PACRG: variants seen among roughly 807,000 people sequenced by gnomAD.
PACRG encodes parkin coregulated gene protein.
Under a neutral mutation model 29.7 loss-of-function variants are expected in PACRG, and 29 were observed. The observed-to-expected ratio is 0.98, with a 90% CI of 0.73 to 1.33. PACRG has a LOEUF of 1.33. PACRG is among the 40% of genes most tolerant of loss of function. The pLI is 0.00. For missense variants in PACRG, 279 were observed against 316.2 expected, an observed-to-expected ratio of 0.88 and a Z score of 0.89; for synonymous variants, 116 against 118.7, an observed-to-expected ratio of 0.98 and a Z score of 0.15.
rs1359782704 is a variant in PACRG, at chr6:162,814,169, G to A, written c.179G>A (p.Gly60Glu). 2 of 1,612,166 alleles carry A rather than the reference G, an allele frequency of 1.2e-6. No homozygotes were observed. Among genetic ancestry groups the A allele is most frequent in the Non-Finnish European group, 1.7e-6 (2 of 1,178,822 alleles). The change falls in exon 2 of 5, where the codon GGG becomes GAG. Residue 60 changes from glycine to glutamate, a missense_variant. Physicochemically the swap from Gly to Glu is moderately conservative, Grantham distance 98 (BLOSUM62 -2). Coordinates refer to ENST00000366888, the MANE Select transcript of PACRG (RefSeq NM_001080379.2). ...AAGGTGAGAGGCCCTCCAGCTGCAG[G>A]GGCATTTAAAGAAAGACCAACCAAG... ...NSVVRGPPAA[G>E]AFKERPTKPT...
At chr6:162,942,562 T>C (rs1798708781) in intron 2 of PACRG, among the ~76,000 whole-genome samples, 1 of 152,206 alleles carries the variant, frequency 6.6e-6, no homozygotes, top group African/African-American at 2.4e-5. Context: ...TTCTAGAATT[T>C]CTATTTGATT....
At chr6:163,129,483 CAA>C (rs1227694171) in intron 4 of PACRG, among the ~76,000 whole-genome samples, 2 of 152,190 alleles carry the variant, frequency 1.3e-5, no homozygotes, top group Non-Finnish European at 2.9e-5. Context: ...CACATTCCGT[CAA>C]GAGTCGTTCT....
At chr6:162,868,836 G>A (rs1230807849) in intron 2 of PACRG, among the ~76,000 whole-genome samples, 5 of 152,006 alleles carry the variant, frequency 3.3e-5, no homozygotes, top group Admixed American at 6.5e-5. Context: ...AAGGACACAG[G>A]CTCTTTGAAC....
At chr6:163,019,763 G>A (rs1806441973) in intron 2 of PACRG, among the ~76,000 whole-genome samples, 1 of 152,122 alleles carries the variant, frequency 6.6e-6, no homozygotes, top group Non-Finnish European at 1.5e-5. Context: ...TCTGTATATA[G>A]GTTTTGGTTT....
chr6:162,820,666 C>A (rs999143344), intron 2 of PACRG, among the ~76,000 whole-genome samples: 2 of 152,114 alleles, frequency 1.3e-5, no homozygotes, highest in Non-Finnish European at 2.9e-5. Flanking sequence ...AATGCTATAT[C>A]TGTTGCCCCT....
At chr6:162,891,805 G>A (rs1417600223) in intron 2 of PACRG, among the ~76,000 whole-genome samples, 4 of 152,102 alleles carry the variant, frequency 2.6e-5, no homozygotes, top group Non-Finnish European at 5.9e-5. Context: ...GTTTCGATGA[G>A]ACCAACTGGA....
At chr6:162,925,820 G>T (rs775815670) in intron 2 of PACRG, among the ~76,000 whole-genome samples, 1 of 151,842 alleles carries the variant, frequency 6.6e-6, no homozygotes, top group Non-Finnish European at 1.5e-5. Flanking sequence ...GAAAGCAAGA[G>T]AAAGAAATCA....
intron 4 of PACRG, among the ~76,000 whole-genome samples, chr6:163,119,172 G>T (rs1354421157): frequency 4.6e-5 from 7 of 152,198 alleles, no homozygotes; most frequent in Admixed American, 3.3e-4. Context: ...TAACTGCGAG[G>T]GCCACAGAGG....
chr6:162,996,151 C>T (rs867533498), intron 2 of PACRG, among the ~76,000 whole-genome samples: 1 of 152,104 alleles, frequency 6.6e-6, no homozygotes, highest in Non-Finnish European at 1.5e-5. Context: ...TGCACACACA[C>T]ACCACACACA....
chr6:163,182,348 A>G (rs2128354639), intron 4 of PACRG, among the ~76,000 whole-genome samples: 1 of 152,342 alleles, frequency 6.6e-6, no homozygotes, highest in East Asian at 1.9e-4. Flanking sequence ...GTTTTACTTT[A>G]TTCTAGTTCT....
At chr6:162,982,618 T>C (rs1466267417) in intron 2 of PACRG, among the ~76,000 whole-genome samples, 1 of 152,038 alleles carries the variant, frequency 6.6e-6, no homozygotes, top group Non-Finnish European at 1.5e-5. Context: ...GTTTTGAGGG[T>C]TCCTTTTGGA....
chr6:163,186,928 T>G (rs1486729095), intron 4 of PACRG, among the ~76,000 whole-genome samples: 1 of 152,168 alleles, frequency 6.6e-6, no homozygotes, highest in Admixed American at 6.5e-5. Context: ...CTCCTGGGGC[T>G]CTTGACATTT....
chr6:163,262,598 C>G (rs920958644), intron 4 of PACRG, among the ~76,000 whole-genome samples: 4 of 151,764 alleles, frequency 2.6e-5, no homozygotes, highest in Non-Finnish European at 4.4e-5. Context: ...TGGTTGATCT[C>G]GATGCTCAGA....
intron 4 of PACRG, among the ~76,000 whole-genome samples, chr6:163,210,478 T>C (rs902823014): frequency 1.3e-5 from 2 of 152,156 alleles, no homozygotes; most frequent in Non-Finnish European, 2.9e-5. Context: ...GACAGAGCAC[T>C]CACCATGGCC....
intron 4 of PACRG, among the ~76,000 whole-genome samples, chr6:163,173,263 A>T (rs1779175108): frequency 6.6e-6 from 1 of 152,258 alleles, no homozygotes; most frequent in Admixed American, 6.5e-5. Context: ...AAATAAAAAT[A>T]ATGGATTGGT....
chr6:163,040,106 G>A (rs576141900), intron 2 of PACRG, among the ~76,000 whole-genome samples: 23 of 152,304 alleles, frequency 1.5e-4, no homozygotes, highest in South Asian at 4.1e-4. Context: ...TGCTCTGAGC[G>A]GCCCCAGGAT....
rs1780837349 is a variant in PACRG at position 163,204,782 on chromosome 6, C to T, written c.614-110045C>T. On this transcript the variant is annotated intron_variant, in intron 4 of 4. Coordinates refer to ENST00000366888, the MANE Select transcript of PACRG (RefSeq NM_001080379.2). ...GAAAAAGAGAGGAAGTCAAACTATCCCTATTTGCAGACAATATGATTCTAT... is the reference window on the plus strand; with the variant it reads ...GAAAAAGAGAGGAAGTCAAACTATCTCTATTTGCAGACAATATGATTCTAT... Among the ~76,000 whole-genome samples the T allele has an allele frequency of 1.3e-5, 2 of 152,256 alleles. 1 individual carries two copies. The highest frequency in any genetic ancestry group is 4.2e-4 in the South Asian group (2 of 4,818).
chr6:162,949,060 A>G (rs1420719990), intron 2 of PACRG, among the ~76,000 whole-genome samples: 1 of 152,150 alleles, frequency 6.6e-6, no homozygotes, highest in Admixed American at 6.6e-5. Context: ...CCCCATCTTT[A>G]TTGCAGCACT....
intron 4 of PACRG, among the ~76,000 whole-genome samples, chr6:163,268,258 C>T (rs560458229): frequency 3.3e-4 from 50 of 151,898 alleles, no homozygotes; most frequent in Admixed American, 6.5e-4. Flanking sequence ...AAAAATTAGC[C>T]GGGCGTGGTG....
Sources: gnomAD v4.1 joint callset for allele counts (sites outside exome capture counted in the v4.1 genomes callset) on GRCh38, gnomAD v4.1.1 for gene constraint, MANE v1.5 for transcripts, NCBI Gene and HGNC (gene_info 2026-07-23, HGNC 2026-07-21) for gene names.